Variants in C3orf33 observed in about 807,000 individuals in gnomAD.
C3orf33 encodes AP-1 activity suppressor.
Under a neutral mutation model 28.7 loss-of-function variants are expected in C3orf33, and 23 were observed. The observed-to-expected ratio is 0.80, with a 90% CI of 0.58 to 1.13. The LOEUF (loss-of-function observed/expected upper bound fraction) is 1.13, where lower values mean the gene tolerates loss of function less well. Ranked by LOEUF, C3orf33 falls within the 50% of genes most tolerant of loss-of-function variation. The pLI, the probability that C3orf33 is intolerant of heterozygous loss-of-function variation, is 0.00. For synonymous variants in C3orf33, 119 were observed against 120.5 expected (o/e 0.99, Z 0.08); for missense variants, 327 against 353.4 (o/e 0.93, Z 0.60).
chr3:155,771,998 G>T (rs962869912), intron 3 of C3orf33, among the ~76,000 whole-genome samples: 1 of 152,014 alleles, frequency 6.6e-6, no homozygotes, highest in Non-Finnish European at 1.5e-5. Flanking sequence ...AAACCCAGAA[G>T]TTCAAGAAGG....
chr3:155,788,063 C>T (rs1428213480), intron 2 of C3orf33, among the ~76,000 whole-genome samples: 3 of 151,714 alleles, frequency 2.0e-5, no homozygotes, highest in African/African-American at 4.8e-5. Flanking sequence ...TGGTGGCGGG[C>T]GCCTGTAGTC....
At chr3:155,765,127 G>GTA (rs1490121915) in intron 4 of C3orf33, among the ~76,000 whole-genome samples, 1 of 152,176 alleles carries the variant, frequency 6.6e-6, no homozygotes, top group Non-Finnish European at 1.5e-5. Flanking sequence ...CACTCTATGT[G>GTA]TATAGCATAG....
Position 155,800,610 on chromosome 3 carries a change from C to CAAAAAAAAAAAAAAAAAAA in C3orf33, c.174+1903_174+1921dup, listed in dbSNP as rs58092818. ...GGTCAACAGAGTGAGACCTTATCTC[C>CAAAAAAAAAAAAAAAAAAA]AAAAAAAAAAAAAAAAAAAAAAAAA... On this transcript the variant is annotated intron_variant, in intron 2 of 4. Transcript: ENST00000340171. 5.1e-4 allele frequency among the ~76,000 whole-genome samples: 8 copies of CAAAAAAAAAAAAAAAAAAA among 15,634 alleles called. 2 individuals carry two copies. The highest frequency in any genetic ancestry group is 7.6e-4 in the African/African-American group (4 of 5,256). 10.3% of individuals were successfully genotyped at this position (15,634 alleles called of 152,430 possible).
intron 3 of C3orf33, 56 bp downstream of exon 3, chr3:155,775,645 C>T: frequency 1.7e-6 from 2 of 1,207,662 alleles, no homozygotes; most frequent in Non-Finnish European, 2.3e-6. Context: ...TTATAAATAA[C>T]TTCTAATAAA....
chr3:155,800,633 A>AAAAAAAAAAAAAAAAAAC, intron 2 of C3orf33, among the ~76,000 whole-genome samples: 1 of 147,206 alleles, frequency 6.8e-6, no homozygotes, highest in Non-Finnish European at 1.5e-5. Context: ...AAAAAAAAAA[A>AAAAAAAAAAAAAAAAAAC]AAAAAAAAGG....
chr3:155,763,688 T>G lies in C3orf33; in HGVS notation c.714A>C (p.Lys238Asn), dbSNP rs1750307525. The G allele has an allele frequency of 6.3e-7, 1 of 1,594,704 alleles. No homozygotes were observed. The highest frequency in any genetic ancestry group is 8.5e-7 in the Non-Finnish European group (1 of 1,175,428). Residue 238 changes from lysine to asparagine, a missense_variant, in exon 5 of 5, where the codon AAA becomes AAC. Coordinates refer to ENST00000340171, the MANE Select transcript of C3orf33 (RefSeq NM_001308229.2). ...CTGTTGTTTTTAAAAAACTGTCCTT[T>G]TTCCATATTTCTCTCCAGGAATCTT... ...KFKDSWREIW[K>N]KDSFLKTTGS...
intron 4 of C3orf33, among the ~76,000 whole-genome samples, chr3:155,764,531 A>T (rs1258750029): frequency 1.3e-5 from 2 of 148,566 alleles, no homozygotes; most frequent in Non-Finnish European, 3.0e-5. Context: ...GATAAATGGG[A>T]TTTTTTTTTT....
At chr3:155,764,818 T>C (rs1485786908) in intron 4 of C3orf33, among the ~76,000 whole-genome samples, 1 of 152,042 alleles carries the variant, frequency 6.6e-6, no homozygotes, top group East Asian at 1.9e-4. Context: ...ATCACACCAC[T>C]GCACTCAAGC....
chr3:155,801,488 A>T (rs2109283164), intron 2 of C3orf33, among the ~76,000 whole-genome samples: 1 of 152,342 alleles, frequency 6.6e-6, no homozygotes, highest in South Asian at 2.1e-4. Flanking sequence ...CCATCAACAA[A>T]TGAACAGAAA....
chr3:155,793,264 C>T (rs1245519284), intron 2 of C3orf33, among the ~76,000 whole-genome samples: 3 of 148,060 alleles, frequency 2.0e-5, no homozygotes, highest in African/African-American at 7.4e-5. Flanking sequence ...AATAGTATAG[C>T]CAGTCAAACA....
chr3:155,802,757 G>A (rs962381001), intron 1 of C3orf33, among the ~76,000 whole-genome samples, 166 bp from the exon 2 acceptor site: 7 of 152,048 alleles, frequency 4.6e-5, no homozygotes, highest in East Asian at 1.9e-4. Context: ...CTGTCCACTC[G>A]TTCATTATGA....
At chr3:155,796,407 A>T (rs1178302927) in intron 2 of C3orf33, among the ~76,000 whole-genome samples, 1 of 152,190 alleles carries the variant, frequency 6.6e-6, no homozygotes, top group Non-Finnish European at 1.5e-5. Context: ...AGAGAAATAG[A>T]TAATTCCTAG....
At chr3:155,782,015 G>A (rs1750939510) in intron 2 of C3orf33, among the ~76,000 whole-genome samples, 1 of 151,750 alleles carries the variant, frequency 6.6e-6, no homozygotes, top group African/African-American at 2.4e-5. Context: ...GCCAGAGGTT[G>A]CAGTGAGCCA....
chr3:155,763,629 T>C lies in C3orf33; in HGVS notation c.773A>G (p.Tyr258Cys), dbSNP rs753885223. 7 of 1,596,260 alleles carry C rather than the reference T, an allele frequency of 4.4e-6. No individual in the cohort carries two copies. In the African/African-American group the frequency reaches 5.4e-5, roughly 12 times the overall value. Residue 258 changes from tyrosine (Y) to cysteine (C), a missense_variant, in exon 5 of 5, where the codon TAT (tyrosine) becomes TGT (cysteine). Physicochemically the swap from Tyr to Cys is radical, Grantham distance 194. Transcript: ENST00000340171. ...SDFSLKKESY[Y>C]EKLKRTYEIW... is the part of the protein sequence containing the mutation. ...TTCATAAGTCCTTTTAAGTTTTTCA[T>C]AATAACTTTCTTTTTTCAAGCTGAA...
chr3:155,774,248 C>A (rs1390664111), intron 3 of C3orf33, among the ~76,000 whole-genome samples: 2 of 152,102 alleles, frequency 1.3e-5, no homozygotes, highest in African/African-American at 4.8e-5. Context: ...GGAATATAAA[C>A]CTAAATACAT....
chr3:155,773,076 C>T (rs1750640065), intron 3 of C3orf33, among the ~76,000 whole-genome samples: 1 of 152,040 alleles, frequency 6.6e-6, no homozygotes, highest in African/African-American at 2.4e-5. Context: ...CTTAGCCCTC[C>T]TCAGAAATAG....
intron 2 of C3orf33, among the ~76,000 whole-genome samples, chr3:155,792,222 T>C (rs755935469): frequency 6.6e-6 from 1 of 152,174 alleles, no homozygotes; most frequent in Non-Finnish European, 1.5e-5. Context: ...TTATCCAAGA[T>C]GGTACATCTA....
At chr3:155,783,841 ATTTTG>A (rs1166852435) in intron 2 of C3orf33, among the ~76,000 whole-genome samples, 1 of 151,988 alleles carries the variant, frequency 6.6e-6, no homozygotes, top group Non-Finnish European at 1.5e-5. Context: ...TTAAGTCCAT[ATTTTG>A]TTTTCTACAT....
chr3:155,790,009 C>T (rs1356650852), intron 2 of C3orf33, among the ~76,000 whole-genome samples: 1 of 151,542 alleles, frequency 6.6e-6, no homozygotes, highest in African/African-American at 2.4e-5. Flanking sequence ...CCAAAAAATA[C>T]AAAAATTAGC....
Sources: gnomAD v4.1 joint callset for allele counts (sites outside exome capture counted in the v4.1 genomes callset) on GRCh38, gnomAD v4.1.1 for gene constraint, MANE v1.5 for transcripts, NCBI Gene and HGNC (gene_info 2026-07-23, HGNC 2026-07-21) for gene names.